SI: variants seen among roughly 807,000 people sequenced by gnomAD.
SI encodes the protein sucrase-isomaltase, also known as sucrase-isomaltase, intestinal.
In SI, 235 loss-of-function variants were observed where a neutral mutation model predicts 253.3. The ratio of observed to expected loss-of-function variants is 0.93; its 90% CI spans 0.83 to 1.03. SI has a LOEUF of 1.03. Ranked by LOEUF, SI falls within the 50% of genes least tolerant of loss-of-function variation. The pLI, the probability that SI is intolerant of heterozygous loss-of-function variation, is 0.00. For missense variants in SI, 2,442 were observed against 2,211.1 expected, an observed-to-expected ratio of 1.10 and a Z score of -2.09; for synonymous variants, 819 against 712.0, an observed-to-expected ratio of 1.15 and a Z score of -2.39.
At chr3:164,999,761 C>T (rs993347740) in intron 37 of SI, among the ~76,000 whole-genome samples, 6 of 151,664 alleles carry the variant, frequency 4.0e-5, no homozygotes, top group Middle Eastern at 3.4e-3. Flanking sequence ...CAAGAAAGTT[C>T]GGAATTAACA....
intron 1 of SI, among the ~76,000 whole-genome samples, chr3:165,076,979 T>TTTG (rs1000129538): frequency 8.1e-5 from 9 of 111,304 alleles, no homozygotes; most frequent in African/African-American, 3.2e-4. Flanking sequence ...TCACGGTTTG[T>TTTG]TTTTTTTTTT....
At chr3:165,007,686 T>C (rs1166883226) in intron 36 of SI, among the ~76,000 whole-genome samples, 1 of 151,382 alleles carries the variant, frequency 6.6e-6, no homozygotes, top group Non-Finnish European at 1.5e-5. Flanking sequence ...ATAATATTGG[T>C]AATGGGTCAA....
intron 15 of SI, among the ~76,000 whole-genome samples, chr3:165,047,297 G>GCT (rs1713174514): frequency 6.6e-6 from 1 of 151,964 alleles, no homozygotes. Flanking sequence ...CCCTGAACAA[G>GCT]CTCTCTCTTT....
intron 3 of SI, 94 bp downstream of exon 3, chr3:165,074,437 T>C (rs1714808411): frequency 6.5e-6 from 5 of 764,744 alleles, no homozygotes; most frequent in Non-Finnish European, 9.7e-6. Flanking sequence ...TATGTCTAGA[T>C]CTTTATTAAA....
At chr3:165,066,709 A>G (rs1714265552) in intron 6 of SI, among the ~76,000 whole-genome samples, 1 of 151,918 alleles carries the variant, frequency 6.6e-6, no homozygotes, top group African/African-American at 2.4e-5. Flanking sequence ...CTTATTTCAC[A>G]TGGCATTTAA....
the SI span, among the ~76,000 whole-genome samples, chr3:165,088,764 T>A: frequency 6.6e-6 from 1 of 152,092 alleles, no homozygotes; most frequent in Non-Finnish European, 1.5e-5. Flanking sequence ...AAAGGTTTTT[T>A]TTTTAAACCT....
At position 165,062,403 on chromosome 3, in the gene SI, T is replaced by C. The variant is rs1560013851; in HGVS notation, c.988A>G (p.Thr330Ala). The change falls in exon 9 of 48, where the codon ACA (threonine) becomes GCA (alanine). Residue 330 changes from threonine to alanine, a missense_variant. Coordinates refer to ENST00000264382, the MANE Select transcript of SI (RefSeq NM_001041.4). Reference sequence around the variant, plus strand: ...TACTGTTGAACTACTTGTTCTGGTGTATCTCCTAGAAGGATGTAAAAATCC... The same window carrying C: ...TACTGTTGAACTACTTGTTCTGGTGCATCTCCTAGAAGGATGTAAAAATCC... ...ILDFYILLGD[T>A]PEQVVQQYQQ... 3 of 1,592,940 alleles carry C rather than the reference T, an allele frequency of 1.9e-6. No individual in the cohort carries two copies. The highest frequency in any genetic ancestry group is 2.6e-6 in the Non-Finnish European group (3 of 1,161,270).
At chr3:165,016,565 T>C (rs1719042156) in intron 31 of SI, among the ~76,000 whole-genome samples, 1 of 151,972 alleles carries the variant, frequency 6.6e-6, no homozygotes, top group Non-Finnish European at 1.5e-5. Context: ...ATTACTATAA[T>C]CTTGTTCTTG....
At chr3:165,030,576 C>A in intron 25 of SI, 136 bp downstream of exon 25, 2 of 907,478 alleles carry the variant, frequency 2.2e-6, no homozygotes, top group Non-Finnish European at 1.7e-6. Flanking sequence ...GTCAGAGATG[C>A]TAACTTCAAA....
intron 12 of SI, among the ~76,000 whole-genome samples, chr3:165,058,030 G>A (rs1048252003): frequency 1.4e-5 from 2 of 147,592 alleles, no homozygotes; most frequent in African/African-American, 2.5e-5. Context: ...CATATGTCAG[G>A]CCAAAAAACA....
At chr3:165,037,837 CA>C (rs1194595928) in intron 21 of SI, 62 bp downstream of exon 21, 48 of 1,172,846 alleles carry the variant, frequency 4.1e-5, no homozygotes, top group Middle Eastern at 1.9e-4. Flanking sequence ...ATTCTTAATG[CA>C]AATATGAAAT....
chr3:165,005,868 T>C (rs903222403), intron 37 of SI, among the ~76,000 whole-genome samples: 14 of 152,148 alleles, frequency 9.2e-5, no homozygotes, highest in African/African-American at 3.4e-4. Flanking sequence ...CATCTCAGCC[T>C]GCCAAAGTGT....
At chr3:165,067,970 A>C (rs1714335391) in intron 5 of SI, among the ~76,000 whole-genome samples, 1 of 151,964 alleles carries the variant, frequency 6.6e-6, no homozygotes. Context: ...ATTTAGTTCC[A>C]GTGAAATTAT....
chr3:165,042,985 G>A, intron 17 of SI, 74 bp downstream of exon 17: 1 of 911,092 alleles, frequency 1.1e-6, no homozygotes, highest in Admixed American at 1.7e-5. Context: ...ATACTCTATA[G>A]ATTTAATTTA....
intron 9 of SI, among the ~76,000 whole-genome samples, chr3:165,061,353 T>A (rs1281790428): frequency 6.6e-6 from 1 of 151,992 alleles, no homozygotes; most frequent in Non-Finnish European, 1.5e-5. Flanking sequence ...AAAGTCTATA[T>A]GTAGGCCAGC....
the SI span, among the ~76,000 whole-genome samples, chr3:165,083,918 G>T: frequency 6.6e-6 from 1 of 151,946 alleles, no homozygotes; most frequent in African/African-American, 2.4e-5. Flanking sequence ...ATGCTTTGTT[G>T]TTTGATGACA....
At chr3:165,042,794 A>G (rs886630445) in intron 17 of SI, among the ~76,000 whole-genome samples, 1 of 152,106 alleles carries the variant, frequency 6.6e-6, no homozygotes, top group Non-Finnish European at 1.5e-5. Context: ...GTAACTTAAT[A>G]TACTTGTACA....
chr3:164,990,299 A>T (rs147151705), intron 44 of SI, among the ~76,000 whole-genome samples: 1 of 152,258 alleles, frequency 6.6e-6, no homozygotes, highest in Non-Finnish European at 1.5e-5. Context: ...ATAATACTAG[A>T]TCTTCCACAT....
At chr3:165,044,557 C>T (rs1207295703) in intron 16 of SI, among the ~76,000 whole-genome samples, 4 of 151,900 alleles carry the variant, frequency 2.6e-5, no homozygotes, top group African/African-American at 4.8e-5. Flanking sequence ...CTATAGATTA[C>T]TCTTTCTATA....
Sources: allele counts gnomAD v4.1 joint callset (sites outside exome capture counted in the v4.1 genomes callset), GRCh38; gene constraint gnomAD v4.1.1; transcripts MANE v1.5; gene names NCBI Gene and HGNC (gene_info 2026-07-23, HGNC 2026-07-21).